Variants in DPP6 observed in about 807,000 individuals in gnomAD.
DPP6 encodes the protein A-type potassium channel modulatory protein DPP6.
Under a neutral mutation model 122.6 loss-of-function variants are expected in DPP6, and 69 were observed. That is an observed-to-expected ratio of 0.56 (90% CI 0.46 to 0.69). The LOEUF (loss-of-function observed/expected upper bound fraction) is 0.69. Among genes scored for constraint, DPP6 ranks in the 30% least tolerant of loss-of-function variants. The pLI is 0.00. For missense variants in DPP6, 928 were observed against 1,116.9 expected, an observed-to-expected ratio of 0.83 and a Z score of 2.41; for synonymous variants, 418 against 433.1, an observed-to-expected ratio of 0.97 and a Z score of 0.43.
chr7:154,857,701 C>T (rs778582305), intron 17 of DPP6, among the ~76,000 whole-genome samples: 2 of 152,180 alleles, frequency 1.3e-5, no homozygotes, highest in Non-Finnish European at 2.9e-5. Flanking sequence ...GCATCTTGTT[C>T]GTGGTGTGGT....
At chr7:154,201,762 A>G (rs903559338) in intron 1 of DPP6, among the ~76,000 whole-genome samples, 5 of 152,202 alleles carry the variant, frequency 3.3e-5, no homozygotes, top group African/African-American at 4.8e-5. Context: ...TATTGAAAGG[A>G]AAGTGTAACC....
At chr7:154,478,513 G>A (rs1357076917) in intron 3 of DPP6, among the ~76,000 whole-genome samples, 1 of 151,886 alleles carries the variant, frequency 6.6e-6, no homozygotes, top group African/African-American at 2.4e-5. Flanking sequence ...TCTTCTGGGT[G>A]TTTACTGTGT....
At chr7:154,257,222 A>G (rs1802715088) in intron 1 of DPP6, among the ~76,000 whole-genome samples, 1 of 151,798 alleles carries the variant, frequency 6.6e-6, no homozygotes, top group African/African-American at 2.4e-5. Context: ...CTCCTGCCCA[A>G]AAGGGATCTT....
intron 5 of DPP6, among the ~76,000 whole-genome samples, chr7:154,620,838 C>G (rs573985761): frequency 6.6e-6 from 1 of 152,318 alleles, no homozygotes; most frequent in African/African-American, 2.4e-5. Context: ...GACTCCTCCC[C>G]ATCCACAGCG....
intron 1 of DPP6, among the ~76,000 whole-genome samples, chr7:154,032,309 G>C (rs980579823): frequency 9.9e-5 from 15 of 152,196 alleles, no homozygotes; most frequent in African/African-American, 3.6e-4. Flanking sequence ...GAAGCACCGA[G>C]TGTTGCTGAG....
chr7:154,586,937 C>A (rs1832493825), intron 5 of DPP6, among the ~76,000 whole-genome samples: 1 of 152,186 alleles, frequency 6.6e-6, no homozygotes, highest in African/African-American at 2.4e-5. Context: ...CTCTTTGCAC[C>A]TGGAAGGTCA....
At chr7:154,803,196 G>A (rs1798483803) in intron 13 of DPP6, among the ~76,000 whole-genome samples, 1 of 152,118 alleles carries the variant, frequency 6.6e-6, no homozygotes, top group Non-Finnish European at 1.5e-5. Context: ...CACCTCCCAG[G>A]GCATCTGCCT....
At chr7:154,772,481 C>T (rs573300019) in intron 9 of DPP6, among the ~76,000 whole-genome samples, 2 of 152,270 alleles carry the variant, frequency 1.3e-5, no homozygotes, top group South Asian at 4.2e-4. Flanking sequence ...CAATGTCCAT[C>T]ATTTGCTCAC....
chr7:153,803,549 G>C, the DPP6 span, among the ~76,000 whole-genome samples: 1 of 151,912 alleles, frequency 6.6e-6, no homozygotes, highest in South Asian at 2.1e-4. Flanking sequence ...CTCAAGTCTT[G>C]GGACTCATAC....
chr7:154,599,204 C>T (rs1393857622), intron 5 of DPP6, among the ~76,000 whole-genome samples: 1 of 152,178 alleles, frequency 6.6e-6, no homozygotes, highest in Non-Finnish European at 1.5e-5. Flanking sequence ...ACTCAGCAGT[C>T]TCCCCTCTCT....
intron 1 of DPP6, among the ~76,000 whole-genome samples, chr7:154,294,571 G>A (rs935223384): frequency 6.6e-6 from 1 of 152,192 alleles, no homozygotes; most frequent in African/African-American, 2.4e-5. Flanking sequence ...ATGGGCACGT[G>A]AAGGTTTGGG....
At chr7:154,012,169 CTTTG>C (rs1250132356) in intron 1 of DPP6, among the ~76,000 whole-genome samples, 1 of 152,178 alleles carries the variant, frequency 6.6e-6, no homozygotes, top group African/African-American at 2.4e-5. Context: ...TATTCAATTT[CTTTG>C]TTTATTTCCT....
At chr7:153,900,854 C>A (rs2128998298) in intron 1 of DPP6, among the ~76,000 whole-genome samples, 1 of 152,186 alleles carries the variant, frequency 6.6e-6, no homozygotes, top group South Asian at 2.1e-4. Flanking sequence ...AAGCTGTGGC[C>A]CCAAAATAAT....
At chr7:154,273,532 C>G (rs909605702) in intron 1 of DPP6, among the ~76,000 whole-genome samples, 6 of 152,122 alleles carry the variant, frequency 3.9e-5, no homozygotes, top group African/African-American at 1.4e-4. Context: ...AAAATACAGT[C>G]TTATGGATGG....
chr7:154,522,118 C>G (rs895949746), intron 3 of DPP6, among the ~76,000 whole-genome samples: 1 of 152,130 alleles, frequency 6.6e-6, no homozygotes, highest in African/African-American at 2.4e-5. Flanking sequence ...CACCTGCCAC[C>G]ACGCCCGGCT....
intron 23 of DPP6, among the ~76,000 whole-genome samples, 154 bp downstream of exon 23, chr7:154,887,888 C>G (rs2150698736): frequency 6.6e-6 from 1 of 152,302 alleles, no homozygotes; most frequent in South Asian, 2.1e-4. Context: ...TCCGAAGGAT[C>G]ATTCCACCAG....
chr7:154,166,939 G>T (rs1360229622), intron 1 of DPP6, among the ~76,000 whole-genome samples: 1 of 145,270 alleles, frequency 6.9e-6, no homozygotes, highest in Non-Finnish European at 1.5e-5. Flanking sequence ...AGGTTGCAGT[G>T]AACCGAGATC....
the DPP6 span, among the ~76,000 whole-genome samples, chr7:153,830,508 A>G: frequency 1.3e-5 from 2 of 152,190 alleles, no homozygotes; most frequent in African/African-American, 2.4e-5. Flanking sequence ...GAGCAATTTG[A>G]CCTATGAAGA....
intron 1 of DPP6, among the ~76,000 whole-genome samples, chr7:153,989,923 G>A (rs1047369744): frequency 2.8e-4 from 42 of 149,916 alleles, no homozygotes; most frequent in Admixed American, 2.4e-3. Flanking sequence ...TGCCAGCCTC[G>A]CAGTGGCCAG....
Sources: gnomAD v4.1 joint callset for allele counts (sites outside exome capture counted in the v4.1 genomes callset) on GRCh38, gnomAD v4.1.1 for gene constraint, MANE v1.5 for transcripts, NCBI Gene and HGNC (gene_info 2026-07-23, HGNC 2026-07-21) for gene names.